Variants in CACNA1C observed in about 807,000 individuals in gnomAD.
CACNA1C encodes the protein calcium voltage-gated channel subunit alpha1 C.
A neutral mutation model predicts 229.0 loss-of-function variants in CACNA1C; 30 were observed. That is an observed-to-expected ratio of 0.13 (90% CI 0.10 to 0.18). The LOEUF (loss-of-function observed/expected upper bound fraction) is 0.18, where lower values mean the gene tolerates loss of function less well. Among genes scored for constraint, CACNA1C ranks in the 10% least tolerant of loss-of-function variants. CACNA1C has a pLI of 1.00. For synonymous variants in CACNA1C, 1,114 were observed against 1,132.5 expected (o/e 0.98, Z 0.33); for missense variants, 1,658 against 2,845.0 (o/e 0.58, Z 9.49).
At chr12:2,634,481 C>A in intron 30 of CACNA1C, 101 bp downstream of exon 30, 4 of 426,788 alleles carry the variant, frequency 9.4e-6, no homozygotes, top group Admixed American at 4.7e-5. Context: ...TCCCCACCTT[C>A]TTATTTTTTT....
In CACNA1C at chr12:2,653,797, A is replaced by T; in HGVS notation, c.4075-38A>T. The T allele has an allele frequency of 6.3e-7, 1 of 1,592,590 alleles. No individual in the cohort carries two copies. The highest frequency in any genetic ancestry group is 8.6e-7 in the Non-Finnish European group (1 of 1,161,348). ...GGGAAGGGGCCCAGCTGGCCTCTGC[A>T]CTCCAGCCTCATGGGAGTCTCCTGC... On this transcript the variant is annotated intron_variant, in intron 32 of 46. Transcript: ENST00000399655. The surrounding 1 kb of genome is among the most constrained non-coding windows in gnomAD (Gnocchi z 4.7).
chr12:2,691,448 T>A lies in CACNA1C; in HGVS notation c.*249T>A. On this transcript the variant is annotated 3_prime_UTR_variant, in exon 47 of 47. Coordinates refer to ENST00000399655, the MANE Select transcript of CACNA1C (RefSeq NM_000719.7). ...GGGCGCGAGGAAGGCGCCTGCCCTCTCCCAGCTCGCAGGCCCCGGGCCCGG... is the reference window on the plus strand; with the variant it reads ...GGGCGCGAGGAAGGCGCCTGCCCTCACCCAGCTCGCAGGCCCCGGGCCCGG... 3 of 385,676 alleles carry A rather than the reference T, an allele frequency of 7.8e-6. No homozygotes were observed. The highest frequency in any genetic ancestry group is 1.4e-5 in the Non-Finnish European group (3 of 221,130). 23.9% of individuals were successfully genotyped at this position (385,676 alleles called of 1,614,324 possible). A position where few individuals can be genotyped will look rare whatever the true frequency, so the allele number is the denominator to read the frequency against.
intron 30 of CACNA1C, among the ~76,000 whole-genome samples, chr12:2,644,548 T>C (rs1259414059): frequency 2.0e-5 from 3 of 152,206 alleles, no homozygotes; most frequent in African/African-American, 7.2e-5. Context: ...AGAGAGACCA[T>C]GTAATGTGGC....
intron 9 of CACNA1C, 69 bp downstream of exon 9, chr12:2,513,053 C>A: frequency 7.4e-7 from 1 of 1,344,472 alleles, no homozygotes; most frequent in Non-Finnish European, 1.0e-6. Context: ...GGGGTCAGCA[C>A]AGAACTTTGA....
chr12:2,502,260 A>C (rs1288207223), intron 7 of CACNA1C, among the ~76,000 whole-genome samples: 1 of 152,256 alleles, frequency 6.6e-6, no homozygotes, highest in East Asian at 1.9e-4. Flanking sequence ...AGGTTCACTC[A>C]TTCACTCAAA....
At chr12:2,462,319 G>A (rs1213608504) in intron 5 of CACNA1C, among the ~76,000 whole-genome samples, 3 of 136,126 alleles carry the variant, frequency 2.2e-5, no homozygotes, top group East Asian at 4.8e-4. Context: ...ACAGGCCTGC[G>A]CACCTCCTCG....
intron 3 of CACNA1C, among the ~76,000 whole-genome samples, chr12:2,409,540 A>G (rs944272466): frequency 1.3e-5 from 2 of 152,238 alleles, no homozygotes; most frequent in Non-Finnish European, 2.9e-5. Context: ...AGAATCTTCA[A>G]CGAGACTCCT....
intron 3 of CACNA1C, among the ~76,000 whole-genome samples, chr12:2,367,168 A>G (rs761457664): frequency 3.3e-5 from 5 of 152,240 alleles, no homozygotes; most frequent in Non-Finnish European, 5.9e-5. Context: ...GTTCCACCTC[A>G]GATCATCAGG....
chr12:2,419,083 C>T (rs930340480), intron 3 of CACNA1C, among the ~76,000 whole-genome samples: 3 of 152,236 alleles, frequency 2.0e-5, no homozygotes, highest in Admixed American at 6.5e-5. Context: ...GGGCATAACG[C>T]CTTCCTGCAA....
chr12:2,349,164 G>C (rs1567177702), intron 3 of CACNA1C, among the ~76,000 whole-genome samples: 1 of 152,216 alleles, frequency 6.6e-6, no homozygotes, highest in East Asian at 1.9e-4. Context: ...CACGGGAGGG[G>C]TCTGCTCTAA....
At chr12:2,411,963 G>C (rs1020831253) in intron 3 of CACNA1C, among the ~76,000 whole-genome samples, 1 of 152,220 alleles carries the variant, frequency 6.6e-6, no homozygotes, top group Non-Finnish European at 1.5e-5. Flanking sequence ...CCTCTGAGCT[G>C]TCCTGTGGAG....
chr12:2,594,314 C>T (rs2067005486), intron 19 of CACNA1C, among the ~76,000 whole-genome samples: 1 of 152,226 alleles, frequency 6.6e-6, no homozygotes, highest in African/African-American at 2.4e-5. Flanking sequence ...CCTTCTGACA[C>T]TCCAATTGGA....
At chr12:2,006,437 A>C (rs901534384) in intron 1 of CACNA1C, among the ~76,000 whole-genome samples, 2 of 152,208 alleles carry the variant, frequency 1.3e-5, no homozygotes, top group African/African-American at 2.4e-5. Context: ...AGTAATTAAA[A>C]AAATAATTTT....
intron 3 of CACNA1C, among the ~76,000 whole-genome samples, chr12:2,203,723 C>T (rs2097669847): frequency 6.6e-6 from 1 of 152,158 alleles, no homozygotes; most frequent in Non-Finnish European, 1.5e-5. Flanking sequence ...CCAAGAAGCA[C>T]ATTGTATCTC....
In CACNA1C at chr12:2,696,838, C is replaced by A. The variant is rs1185133042; in HGVS notation, c.*5639C>A. On this transcript the variant is annotated 3_prime_UTR_variant, in exon 47 of 47. Transcript: ENST00000399655. ...TCCCTTGCCAAGGAACCTGAGGCTG[C>A]AGGTTTCAGGGACCCCCTTGAAGAA... The A allele has an allele frequency of 2.6e-5, 4 of 152,278 alleles. No individual in the cohort carries two copies. Among genetic ancestry groups the A allele is most frequent in the Admixed American group, 2.6e-4 (4 of 15,296 alleles). 9.4% of individuals were successfully genotyped at this position (152,278 alleles called of 1,614,324 possible).
chr12:2,218,580 C>A (rs2060589868), intron 3 of CACNA1C, among the ~76,000 whole-genome samples: 1 of 152,286 alleles, frequency 6.6e-6, no homozygotes, highest in East Asian at 1.9e-4. Context: ...CTCAGCGCAT[C>A]TTTCAGCTGC....
intron 11 of CACNA1C, among the ~76,000 whole-genome samples, chr12:2,564,654 G>A (rs1018347976): frequency 1.3e-5 from 2 of 151,928 alleles, no homozygotes; most frequent in Non-Finnish European, 2.9e-5. Context: ...CTCCCAAATC[G>A]CCCCAGCTAA....
In CACNA1C at chr12:2,633,591, C is replaced by G. The variant is rs1348954838; in HGVS notation, c.3829-706C>G. On this transcript the variant is annotated intron_variant, in intron 29 of 46. Coordinates refer to ENST00000399655, the MANE Select transcript of CACNA1C (RefSeq NM_000719.7). The surrounding 1 kb of genome is among the most constrained non-coding windows in gnomAD (Gnocchi z 5.8). Reference sequence around the variant, plus strand: ...CTCTGTTCTTGTCTGTCTAATATTCCTTTTTAATCCCCATCCTGCCTGCCC... The same window carrying G: ...CTCTGTTCTTGTCTGTCTAATATTCGTTTTTAATCCCCATCCTGCCTGCCC... 3 of 1,168,060 alleles carry G rather than the reference C, an allele frequency of 2.6e-6. No individual in the cohort carries two copies. The African/African-American group carries it at 4.5e-5, about 18-fold the overall frequency. The allele number at this position is 1,168,060 out of a possible 1,614,324, so 72.4% of individuals were successfully genotyped here.
intron 3 of CACNA1C, among the ~76,000 whole-genome samples, chr12:2,257,930 A>T: frequency 6.6e-6 from 1 of 152,230 alleles, no homozygotes; most frequent in Middle Eastern, 3.4e-3. Context: ...CGGCATTTTC[A>T]TACAAGTGAA....
Sources: gnomAD v4.1 joint callset for allele counts (sites outside exome capture counted in the v4.1 genomes callset) on GRCh38, gnomAD v4.1.1 for gene constraint, Gnocchi (gnomAD v3.1) non-coding constraint, MANE v1.5 for transcripts, NCBI Gene and HGNC (gene_info 2026-07-23, HGNC 2026-07-21) for gene names.